The following CAMTA1 variants were observed in gnomAD, a reference collection of about 807,000 sequenced individuals.
CAMTA1 encodes calmodulin binding transcription activator 1.
A neutral mutation model predicts 170.9 loss-of-function variants in CAMTA1; 27 were observed. That is an observed-to-expected ratio of 0.16 (90% CI 0.12 to 0.22). The LOEUF is 0.22. Ranked by LOEUF, CAMTA1 falls within the 10% of genes least tolerant of loss-of-function variation. CAMTA1 has a pLI of 1.00. For synonymous variants in CAMTA1, 833 were observed against 891.5 expected (o/e 0.93, Z 1.17); for missense variants, 1,619 against 2,217.2 (o/e 0.73, Z 5.42).
Position 7,094,399 on chromosome 1 carries a change from T to C in CAMTA1, c.302+3028T>C, listed in dbSNP as rs74051114. 5.1e-3 allele frequency among the ~76,000 whole-genome samples: 772 copies of C among 152,362 alleles called. 9 individuals are homozygous for C. Among genetic ancestry groups the C allele is most frequent in the African/African-American group, 0.017 (722 of 41,584 alleles). On this transcript the variant is annotated intron_variant, in intron 4 of 22. Transcript: ENST00000303635. ...AGGCAATACAACTTCTGTTTGCTGCTGCCGCCGCCACTGCTAATTTCATTT... is the reference window on the plus strand; with the variant it reads ...AGGCAATACAACTTCTGTTTGCTGCCGCCGCCGCCACTGCTAATTTCATTT...
intron 6 of CAMTA1, among the ~76,000 whole-genome samples, chr1:7,543,280 C>A (rs983557200): frequency 2.0e-5 from 3 of 152,146 alleles, no homozygotes; most frequent in Admixed American, 1.3e-4. Context: ...ATAAATAATA[C>A]TCTGATGAAC....
intron 4 of CAMTA1, among the ~76,000 whole-genome samples, chr1:7,124,973 C>G (rs1644851033): frequency 6.6e-6 from 1 of 152,164 alleles, no homozygotes; most frequent in East Asian, 1.9e-4. Context: ...TAAATCCACT[C>G]TAAGTGCCGT....
At chr1:7,436,862 G>A (rs1575317991) in intron 5 of CAMTA1, among the ~76,000 whole-genome samples, 1 of 152,130 alleles carries the variant, frequency 6.6e-6, no homozygotes, top group African/African-American at 2.4e-5. Flanking sequence ...TGCAATCTGG[G>A]TGTGGGATGT....
At chr1:7,170,189 G>C (rs896862776) in intron 4 of CAMTA1, among the ~76,000 whole-genome samples, 1 of 151,604 alleles carries the variant, frequency 6.6e-6, no homozygotes, top group African/African-American at 2.4e-5. Context: ...ATGTTTTAGC[G>C]TATGTTCCAT....
chr1:7,653,571 T>A (rs1411412150), intron 7 of CAMTA1, among the ~76,000 whole-genome samples: 4 of 152,206 alleles, frequency 2.6e-5, no homozygotes. Flanking sequence ...TTTTTTCTTT[T>A]TGGAGTCAAC....
intron 3 of CAMTA1, among the ~76,000 whole-genome samples, chr1:6,847,730 G>A (rs1210199837): frequency 6.8e-6 from 1 of 148,090 alleles, no homozygotes; most frequent in African/African-American, 2.5e-5. Context: ...TTGAGATGGA[G>A]TCCCCCTCTG....
chr1:6,852,414 A>G (rs1281677680), intron 3 of CAMTA1, among the ~76,000 whole-genome samples: 2 of 152,168 alleles, frequency 1.3e-5, no homozygotes, highest in Non-Finnish European at 2.9e-5. Flanking sequence ...TACTTGCTTC[A>G]CAGGTTGAGA....
In CAMTA1 at chr1:6,965,238, T is replaced by C. The variant is rs1691317828; in HGVS notation, c.235-126066T>C. ...GTGTGCTTGTGTGTGTCTGTGCATG[T>C]GTGCATGTGTGTGGGCACGTGCTCC... On this transcript the variant is annotated intron_variant, in intron 3 of 22. Transcript: ENST00000303635. This position sits in a 1 kb window ranked among gnomAD's most constrained non-coding sequence, Gnocchi z 4.1. 1.3e-5 allele frequency among the ~76,000 whole-genome samples: 2 copies of C among 152,180 alleles called. No homozygotes were observed. Among genetic ancestry groups the C allele is most frequent in the Non-Finnish European group, 2.9e-5 (2 of 68,016 alleles).
At chr1:7,139,528 C>T (rs1453648322) in intron 4 of CAMTA1, among the ~76,000 whole-genome samples, 1 of 151,950 alleles carries the variant, frequency 6.6e-6, no homozygotes, top group Non-Finnish European at 1.5e-5. Context: ...AGAGCCCCTC[C>T]CTGGAAAGTC....
intron 3 of CAMTA1, among the ~76,000 whole-genome samples, chr1:6,926,464 C>CTTTCT (rs1286459986): frequency 7.5e-6 from 1 of 133,092 alleles, no homozygotes; most frequent in Non-Finnish European, 1.5e-5. Flanking sequence ...TTCTTTCTTT[C>CTTTCT]TTTCTTTCTT....
chr1:6,851,749 C>T (rs1660438340), intron 3 of CAMTA1, among the ~76,000 whole-genome samples: 1 of 152,088 alleles, frequency 6.6e-6, no homozygotes, highest in African/African-American at 2.4e-5. Context: ...CATGATGGTT[C>T]ATGCCTGTAA....
intron 3 of CAMTA1, among the ~76,000 whole-genome samples, chr1:7,040,851 G>A (rs1220924502): frequency 6.8e-6 from 1 of 146,626 alleles, no homozygotes; most frequent in Non-Finnish European, 1.5e-5. Flanking sequence ...TCAGCCTCTC[G>A]AGTAGCTGGG....
At chr1:7,413,022 C>G (rs2090901912) in intron 5 of CAMTA1, among the ~76,000 whole-genome samples, 4 of 150,682 alleles carry the variant, frequency 2.7e-5, no homozygotes, top group African/African-American at 7.3e-5. Flanking sequence ...AATCCTTTCC[C>G]CATTGCTTGT....
At chr1:7,390,184 C>T (rs116201677) in intron 5 of CAMTA1, among the ~76,000 whole-genome samples, 4,464 of 152,252 alleles carry the variant, frequency 0.029, 230 homozygotes, top group African/African-American at 0.098. Context: ...TCAGCCAGGG[C>T]CTGGGCCTCT....
rs151251837 is a variant in CAMTA1, at chr1:7,761,565, A to C, written c.4990-4894A>C. 5.9e-5 allele frequency among the ~76,000 whole-genome samples: 9 copies of C among 152,346 alleles called. No individual in the cohort carries two copies. The East Asian group carries it at 1.7e-3, about 29-fold the overall frequency. On this transcript the variant is annotated intron_variant, in intron 22 of 22. Coordinates refer to ENST00000303635, the MANE Select transcript of CAMTA1 (RefSeq NM_015215.4). ...AGTGTGTGTAACATAACAAAAGTTTATCATGCACCTGTGTTCCAAGTTCTA... is the reference window on the plus strand; with the variant it reads ...AGTGTGTGTAACATAACAAAAGTTTCTCATGCACCTGTGTTCCAAGTTCTA...
intron 7 of CAMTA1, among the ~76,000 whole-genome samples, chr1:7,651,707 A>G (rs2095849561): frequency 6.6e-6 from 1 of 152,272 alleles, no homozygotes; most frequent in South Asian, 2.1e-4. Context: ...AGTGGCATAC[A>G]GTCAGGTGAA....
At chr1:7,242,552 G>C (rs987805449) in intron 4 of CAMTA1, among the ~76,000 whole-genome samples, 1 of 152,140 alleles carries the variant, frequency 6.6e-6, no homozygotes, top group Non-Finnish European at 1.5e-5. Flanking sequence ...TTTAGCATCA[G>C]TGCTGCTGTA....
At chr1:7,625,807 G>A (rs867986813) in intron 6 of CAMTA1, among the ~76,000 whole-genome samples, 1 of 152,204 alleles carries the variant, frequency 6.6e-6, no homozygotes, top group Non-Finnish European at 1.5e-5. Flanking sequence ...TGTGCTCTGG[G>A]AAGGGCCTGG....
chr1:7,498,323 AGT>A (rs920857701), intron 6 of CAMTA1, among the ~76,000 whole-genome samples: 19 of 149,228 alleles, frequency 1.3e-4, no homozygotes, highest in Admixed American at 1.1e-3. Flanking sequence ...TGTGTGTAAG[AGT>A]GAGTGTGGAT....
Sources: gnomAD v4.1 joint callset for allele counts (sites outside exome capture counted in the v4.1 genomes callset) on GRCh38, gnomAD v4.1.1 for gene constraint, Gnocchi (gnomAD v3.1) non-coding constraint, MANE v1.5 for transcripts, NCBI Gene and HGNC (gene_info 2026-07-23, HGNC 2026-07-21) for gene names.